Variants in ASH1L observed in about 807,000 individuals in gnomAD.
ASH1L encodes histone-lysine N-methyltransferase ASH1L.
Under a neutral mutation model 269.0 loss-of-function variants are expected in ASH1L, and 23 were observed. The ratio of observed to expected loss-of-function variants is 0.09; its 90% CI spans 0.06 to 0.12. The LOEUF is 0.12. ASH1L is among the 10% of genes least tolerant of loss of function. The pLI is 1.00. For synonymous variants in ASH1L, 1,187 were observed against 1,253.5 expected, an observed-to-expected ratio of 0.95 and a Z score of 1.12; for missense variants, 2,912 against 3,567.8, an observed-to-expected ratio of 0.82 and a Z score of 4.68.
Position 155,480,857 on chromosome 1 carries a change from G to C in ASH1L, c.2013C>G (p.Asn671Lys), listed in dbSNP as rs1338275195. 2 of 1,613,722 alleles carry C rather than the reference G, an allele frequency of 1.2e-6. No individual in the cohort carries two copies. The highest frequency in any genetic ancestry group is 1.7e-6 in the Non-Finnish European group (2 of 1,179,926). ...GCTTATTACTAAATAAACTAGTGAA[G>C]TTAACAACTGAAGGAGTAATAGTAT... ...SIHTITPSVVNFTSLFSNKPF... is the reference protein window; with the variant it reads ...SIHTITPSVVKFTSLFSNKPF... The change falls in exon 3 of 28, where the codon AAC becomes AAG. Residue 671 changes from asparagine to lysine, a missense_variant. Transcript: ENST00000392403.
intron 5 of ASH1L, among the ~76,000 whole-genome samples, chr1:155,420,775 G>A (rs908243721): frequency 1.3e-5 from 2 of 148,666 alleles, no homozygotes; most frequent in African/African-American, 2.5e-5. Flanking sequence ...ACTTGAGCCC[G>A]GGAGGTGGAG....
intron 1 of ASH1L, among the ~76,000 whole-genome samples, chr1:155,525,733 C>T (rs2148854336): frequency 6.6e-6 from 1 of 152,172 alleles, no homozygotes; most frequent in Non-Finnish European, 1.5e-5. Flanking sequence ...CATATAAGAT[C>T]ACAATTAGGG....
At chr1:155,475,621 C>T (rs1389699820) in intron 3 of ASH1L, among the ~76,000 whole-genome samples, 3 of 152,126 alleles carry the variant, frequency 2.0e-5, no homozygotes, top group African/African-American at 4.8e-5. Flanking sequence ...GTTTGTCTTC[C>T]TTCACTAAGC....
chr1:155,534,977 G>A (rs1361751471), intron 1 of ASH1L, among the ~76,000 whole-genome samples: 1 of 152,222 alleles, frequency 6.6e-6, no homozygotes, highest in East Asian at 1.9e-4. Flanking sequence ...ATCACCTGAG[G>A]TCAGGAGCAA....
chr1:155,448,550 C>A (rs1663206822), intron 4 of ASH1L, among the ~76,000 whole-genome samples: 1 of 152,162 alleles, frequency 6.6e-6, no homozygotes, highest in Admixed American at 6.5e-5. Context: ...GGCTGGAGTG[C>A]AATGGTGCGA....
chr1:155,369,584 T>C (rs890963904), intron 12 of ASH1L, among the ~76,000 whole-genome samples: 1 of 152,240 alleles, frequency 6.6e-6, no homozygotes, highest in African/African-American at 2.4e-5. Flanking sequence ...GTGACTTTTT[T>C]CCTTCTCAAT....
chr1:155,465,305 A>C (rs553470220), intron 3 of ASH1L, among the ~76,000 whole-genome samples: 2,424 of 151,546 alleles, frequency 0.016, 31 homozygotes, highest in Non-Finnish European at 0.026. Context: ...AAAAAAAAAA[A>C]AAAAAAACAG....
intron 5 of ASH1L, chr1:155,433,819 C>T (rs1275469412): frequency 1.9e-5 from 31 of 1,606,316 alleles, no homozygotes; most frequent in African/African-American, 2.7e-5. Context: ...AAGCTGACAA[C>T]AATGAAAATC....
intron 6 of ASH1L, among the ~76,000 whole-genome samples, chr1:155,415,304 C>T (rs1660115560): frequency 6.6e-6 from 1 of 151,384 alleles, no homozygotes; most frequent in African/African-American, 2.4e-5. Flanking sequence ...ATGGCGTGAA[C>T]CCCGGAGGCA....
At chr1:155,354,893 G>A (rs919726466) in intron 15 of ASH1L, among the ~76,000 whole-genome samples, 6 of 152,220 alleles carry the variant, frequency 3.9e-5, no homozygotes, top group African/African-American at 7.2e-5. Flanking sequence ...AGAAGGCAGA[G>A]ATTTATTTGT....
intron 1 of ASH1L, among the ~76,000 whole-genome samples, chr1:155,552,215 C>T (rs1260297248): frequency 6.6e-6 from 1 of 152,090 alleles, no homozygotes; most frequent in African/African-American, 2.4e-5. Context: ...GCCTGTAATC[C>T]CAGCACTTTG....
chr1:155,412,111 G>A (rs951556250), intron 6 of ASH1L, among the ~76,000 whole-genome samples: 12 of 151,954 alleles, frequency 7.9e-5, no homozygotes, highest in Non-Finnish European at 1.8e-4. Flanking sequence ...GCATGGCGGT[G>A]TGTGCCTGTA....
At chr1:155,549,805 C>A (rs540098894) in intron 1 of ASH1L, among the ~76,000 whole-genome samples, 1 of 152,012 alleles carries the variant, frequency 6.6e-6, no homozygotes, top group Admixed American at 6.6e-5. Context: ...CATTTCTGTA[C>A]TCCTTATAAT....
intron 5 of ASH1L, among the ~76,000 whole-genome samples, chr1:155,424,702 C>T (rs1047304103): frequency 6.6e-6 from 1 of 152,148 alleles, no homozygotes; most frequent in African/African-American, 2.4e-5. Context: ...CTACCATGCT[C>T]GGCCTATTAC....
intron 5 of ASH1L, among the ~76,000 whole-genome samples, chr1:155,426,945 G>T (rs1343754265): frequency 6.6e-6 from 1 of 151,916 alleles, no homozygotes; most frequent in East Asian, 1.9e-4. Flanking sequence ...CAACTTACTG[G>T]GCACAATTTG....
intron 4 of ASH1L, among the ~76,000 whole-genome samples, chr1:155,453,897 T>C (rs998577633): frequency 1.3e-5 from 2 of 152,018 alleles, no homozygotes; most frequent in African/African-American, 4.8e-5. Context: ...GGTCAGGAGA[T>C]CCAGACCATC....
At chr1:155,370,243 C>T (rs1049351785) in intron 12 of ASH1L, 42 of 486,684 alleles carry the variant, frequency 8.6e-5, no homozygotes, top group Middle Eastern at 5.4e-4. Context: ...GACATAGATC[C>T]TGAAACTACT....
chr1:155,424,935 C>A (rs1661010301), intron 5 of ASH1L, among the ~76,000 whole-genome samples: 1 of 151,584 alleles, frequency 6.6e-6, no homozygotes, highest in Non-Finnish European at 1.5e-5. Context: ...TCACAAGTAG[C>A]TGGGAGTATA....
At chr1:155,518,185 T>A (rs1302156566) in intron 2 of ASH1L, among the ~76,000 whole-genome samples, 1 of 152,122 alleles carries the variant, frequency 6.6e-6, no homozygotes, top group African/African-American at 2.4e-5. Flanking sequence ...AAACTGAATA[T>A]CATGTAAAGG....
Sources: allele counts gnomAD v4.1 joint callset (sites outside exome capture counted in the v4.1 genomes callset), GRCh38; gene constraint gnomAD v4.1.1; transcripts MANE v1.5; gene names NCBI Gene and HGNC (gene_info 2026-07-23, HGNC 2026-07-21).